Variants in CCDC171 observed in about 807,000 individuals in gnomAD.
CCDC171 encodes the protein coiled-coil domain containing 171.
Under a neutral mutation model 168.2 loss-of-function variants are expected in CCDC171, and 177 were observed. The observed-to-expected ratio is 1.05, with a 90% CI of 0.93 to 1.19. The LOEUF is 1.19. Among genes scored for constraint, CCDC171 ranks in the 50% most tolerant of loss-of-function variants. The pLI is 0.00. For synonymous variants in CCDC171, 687 were observed against 540.8 expected (o/e 1.27, Z -3.75); for missense variants, 1,991 against 1,539.0 (o/e 1.29, Z -4.91).
chr9:15,792,762 C>T (rs960922986), intron 21 of CCDC171, among the ~76,000 whole-genome samples: 1 of 152,220 alleles, frequency 6.6e-6, no homozygotes, highest in African/African-American at 2.4e-5. Flanking sequence ...CCTTTATAGA[C>T]AAGCAAATGC....
At chr9:15,939,030 G>C (rs1002423457) in intron 25 of CCDC171, among the ~76,000 whole-genome samples, 1 of 150,148 alleles carries the variant, frequency 6.7e-6, no homozygotes, top group Admixed American at 6.6e-5. Context: ...TAATATTATA[G>C]ATTCTTATGA....
At chr9:15,731,653 G>T (rs2054157607) in intron 16 of CCDC171, among the ~76,000 whole-genome samples, 1 of 151,976 alleles carries the variant, frequency 6.6e-6, no homozygotes, top group African/African-American at 2.4e-5. Flanking sequence ...AAGTAAAATT[G>T]CCACAAACAT....
chr9:15,651,358 CT>C (rs2047507971), intron 7 of CCDC171, among the ~76,000 whole-genome samples: 1 of 151,944 alleles, frequency 6.6e-6, no homozygotes, highest in Non-Finnish European at 1.5e-5. Flanking sequence ...ATCTGCCTGC[CT>C]CGGCCTCCCA....
chr9:15,573,056 G>T (rs2040359256), intron 3 of CCDC171, among the ~76,000 whole-genome samples: 1 of 152,146 alleles, frequency 6.6e-6, no homozygotes, highest in Non-Finnish European at 1.5e-5. Flanking sequence ...CTACTTGGGA[G>T]GCTGAGGCAG....
At chr9:15,786,069 G>C (rs966371343) in intron 21 of CCDC171, among the ~76,000 whole-genome samples, 4 of 151,986 alleles carry the variant, frequency 2.6e-5, no homozygotes, top group Non-Finnish European at 5.9e-5. Context: ...TAAACGACCA[G>C]GATGGTATTA....
At chr9:16,080,636 C>A in the CCDC171 span, among the ~76,000 whole-genome samples, 1 of 152,120 alleles carries the variant, frequency 6.6e-6, no homozygotes, top group Non-Finnish European at 1.5e-5. Context: ...AAGATCCTCG[C>A]TTATGAGAAG....
intron 6 of CCDC171, among the ~76,000 whole-genome samples, chr9:15,621,638 G>A: frequency 6.6e-6 from 1 of 152,202 alleles, no homozygotes; most frequent in East Asian, 1.9e-4. Flanking sequence ...AACAGATGCT[G>A]GCGAGGTTGT....
intron 21 of CCDC171, among the ~76,000 whole-genome samples, chr9:15,821,358 A>T (rs1216386358): frequency 1.7e-5 from 2 of 117,178 alleles, no homozygotes; most frequent in African/African-American, 6.4e-5. Flanking sequence ...AGGAGAAGGA[A>T]ATAAAGGGCA....
intron 24 of CCDC171, among the ~76,000 whole-genome samples, chr9:15,911,358 C>G (rs1172935226): frequency 1.3e-5 from 2 of 152,160 alleles, no homozygotes; most frequent in East Asian, 1.9e-4. Flanking sequence ...TGAAAAGTGT[C>G]TGCTCATATC....
In CCDC171 at chr9:15,591,498, G is replaced by A. The variant is rs777320678; in HGVS notation, c.485G>A (p.Cys162Tyr). Residue 162 changes from cysteine to tyrosine, a missense_variant, in exon 5 of 26, where the codon TGC becomes TAC. Physicochemically the swap from Cys to Tyr is radical, Grantham distance 194 (BLOSUM62 -2). Transcript: ENST00000380701. ...GAAAGAGACAATATGATCCAAAATT[G>A]CAATCGAGAATATGATTTACTTATG... is the stretch of plus-strand genomic sequence containing the variant. ...LEERDNMIQNCNREYDLLMKE... is the reference protein window; with the variant it reads ...LEERDNMIQNYNREYDLLMKE... The A allele has an allele frequency of 1.2e-6, 2 of 1,604,978 alleles. No individual in the cohort carries two copies. The highest frequency in any genetic ancestry group is 1.7e-6 in the Non-Finnish European group (2 of 1,175,348).
intron 21 of CCDC171, among the ~76,000 whole-genome samples, chr9:15,805,023 T>G (rs1336638030): frequency 6.6e-6 from 1 of 151,502 alleles, no homozygotes; most frequent in Non-Finnish European, 1.5e-5. Context: ...TTCTTCTAGA[T>G]TTTCTAGTTT....
downstream of CCDC171, among the ~76,000 whole-genome samples, chr9:15,974,861 C>T (rs530737750): frequency 3.1e-4 from 47 of 152,142 alleles, no homozygotes; most frequent in African/African-American, 1.1e-3. Flanking sequence ...TTTCATATTA[C>T]TTCATTTACC....
At chr9:15,620,537 T>G (rs1397542367) in intron 6 of CCDC171, among the ~76,000 whole-genome samples, 1 of 152,226 alleles carries the variant, frequency 6.6e-6, no homozygotes, top group Non-Finnish European at 1.5e-5. Flanking sequence ...CTTGAATGGG[T>G]GAGGAGTTGC....
rs1384557527 is a variant in CCDC171, at chr9:15,727,901, G to A, written c.1725G>A (p.Gln575=). 2 of 1,611,678 alleles carry A rather than the reference G, an allele frequency of 1.2e-6. No individual in the cohort carries two copies. The highest frequency in any genetic ancestry group is 1.7e-6 in the Non-Finnish European group (2 of 1,179,192). The stretch of plus-strand genomic sequence containing the variant: ...TAACCTTCCTTCACACCTTATATCA[G>A]CACTTGGTAGCAGGCTGTGTGCTCA... ...EKLTFLHTLY[Q]HLVAGCVLIK... Residue 575 remains glutamine, a synonymous_variant, in exon 15 of 26, where the codon CAG becomes CAA. Coordinates refer to ENST00000380701, the MANE Select transcript of CCDC171 (RefSeq NM_173550.4).
intron 25 of CCDC171, among the ~76,000 whole-genome samples, chr9:15,963,765 G>A (rs914867014): frequency 3.9e-5 from 6 of 152,198 alleles, no homozygotes; most frequent in African/African-American, 1.4e-4. Context: ...GAGGCTGGCA[G>A]TGGTTTCCTG....
intron 3 of CCDC171, among the ~76,000 whole-genome samples, chr9:15,994,504 C>T (rs12216921): frequency 0.33 from 50,604 of 152,048 alleles, 10,559 homozygotes; most frequent in East Asian, 0.62. Context: ...TTAATGGGTG[C>T]AACATGCCAA....
At chr9:15,955,655 A>G (rs750468811) in intron 25 of CCDC171, among the ~76,000 whole-genome samples, 1 of 152,212 alleles carries the variant, frequency 6.6e-6, no homozygotes, top group Non-Finnish European at 1.5e-5. Flanking sequence ...AATAGACTCC[A>G]GAATTCCAAA....
chr9:15,901,544 T>C (rs1487395417), intron 24 of CCDC171, among the ~76,000 whole-genome samples: 3 of 152,194 alleles, frequency 2.0e-5, no homozygotes, highest in Non-Finnish European at 4.4e-5. Context: ...TACCATAAAA[T>C]CTATCTGTGG....
At chr9:15,866,129 C>G (rs1271016429) in intron 23 of CCDC171, among the ~76,000 whole-genome samples, 4 of 151,838 alleles carry the variant, frequency 2.6e-5, no homozygotes, top group Non-Finnish European at 4.4e-5. Flanking sequence ...CAGGTAGTAG[C>G]TAGGTCATGG....
Sources: gnomAD v4.1 joint callset for allele counts (sites outside exome capture counted in the v4.1 genomes callset) on GRCh38, gnomAD v4.1.1 for gene constraint, MANE v1.5 for transcripts, NCBI Gene and HGNC (gene_info 2026-07-23, HGNC 2026-07-21) for gene names.